The following BCAS4 variants were observed in gnomAD, a reference collection of about 807,000 sequenced individuals.
BCAS4 encodes the protein breast carcinoma amplified sequence 4.
In BCAS4, 9 loss-of-function variants were observed where a neutral mutation model predicts 15.7. The ratio of observed to expected loss-of-function variants is 0.57; its 90% confidence interval spans 0.34 to 1.00. The LOEUF (loss-of-function observed/expected upper bound fraction) is 1.00, where lower values mean the gene tolerates loss of function less well. Ranked by LOEUF, BCAS4 falls within the 50% of genes least tolerant of loss-of-function variation. The probability of loss-of-function intolerance (pLI) is 0.02; values close to 1 mark genes in which losing one functional copy is unlikely to be tolerated. For missense variants in BCAS4, 225 were observed against 239.1 expected, an observed-to-expected ratio of 0.94 and a Z score of 0.39; for synonymous variants, 101 against 99.5, an observed-to-expected ratio of 1.02 and a Z score of -0.09.
intron 1 of BCAS4, among the ~76,000 whole-genome samples, chr20:50,799,193 C>G (rs747235620): frequency 1.3e-5 from 2 of 152,178 alleles, no homozygotes; most frequent in Non-Finnish European, 2.9e-5. Flanking sequence ...TTCATTTTGT[C>G]TCTATTAGGA....
intron 4 of BCAS4, among the ~76,000 whole-genome samples, chr20:50,853,139 A>ATTTTTTTTTTT (rs35651267): frequency 9.4e-6 from 1 of 106,906 alleles, no homozygotes; most frequent in Non-Finnish European, 1.9e-5. Flanking sequence ...ATCCCCTTTC[A>ATTTTTTTTTTT]TTTTTTTTTT....
intron 3 of BCAS4, among the ~76,000 whole-genome samples, chr20:50,837,651 G>A (rs752355984): frequency 8.5e-5 from 13 of 152,202 alleles, no homozygotes; most frequent in Non-Finnish European, 1.2e-4. Context: ...GTGGGTGGAC[G>A]TGTGCGTCTC....
chr20:50,879,151 GCTGGGA>G (rs1297548852), downstream of BCAS4: 2 of 152,226 alleles, frequency 1.3e-5, no homozygotes, highest in African/African-American at 4.8e-5. Context: ...TGTTGTATTG[GCTGGGA>G]CTGTTTTTAT....
At chr20:50,848,865 T>G (rs6020792) in intron 4 of BCAS4, among the ~76,000 whole-genome samples, 54,182 of 151,942 alleles carry the variant, frequency 0.36, 12,966 homozygotes, top group African/African-American at 0.69. Flanking sequence ...AAGAAAAGAG[T>G]CTCCAGAAAG....
intron 4 of BCAS4, among the ~76,000 whole-genome samples, chr20:50,860,534 G>C (rs1314875405): frequency 6.6e-6 from 1 of 152,204 alleles, no homozygotes; most frequent in East Asian, 1.9e-4. Flanking sequence ...GGGATTGGCT[G>C]TTTTCACTCA....
intron 1 of BCAS4, among the ~76,000 whole-genome samples, chr20:50,816,966 G>A (rs939381543): frequency 2.0e-5 from 3 of 151,744 alleles, no homozygotes; most frequent in East Asian, 1.9e-4. Flanking sequence ...CACCACACCC[G>A]GCTAATTTTT....
In BCAS4 at chr20:50,795,105, C is replaced by T; in HGVS notation, c.22C>T (p.Gln8Ter). MLLVDAD[Q>*]PEPMRSGARE... ...CCTGATGCTGCTCGTGGACGCTGAT[C>T]AGCCGGAGCCCATGCGCAGCGGGGC... is the stretch of plus-strand genomic sequence containing the variant. Residue 8 changes from glutamine (Q) to a stop codon, truncating the protein, a stop_gained, in exon 1 of 5, where the codon CAG (glutamine) becomes TAG (stop). Coordinates refer to ENST00000371608, the MANE Select transcript of BCAS4 (RefSeq NM_198799.4). LOFTEE classifies it high-confidence loss of function. 6.7e-7 allele frequency: 1 copy of T among 1,497,290 alleles called. No homozygotes were observed. The highest frequency in any genetic ancestry group is 8.9e-7 in the Non-Finnish European group (1 of 1,123,034). 92.8% of individuals were successfully genotyped at this position (1,497,290 alleles called of 1,614,324 possible).
At chr20:50,798,842 T>C (rs2087895852) in intron 1 of BCAS4, among the ~76,000 whole-genome samples, 1 of 152,224 alleles carries the variant, frequency 6.6e-6, no homozygotes, top group South Asian at 2.1e-4. Flanking sequence ...GCTTATGTCA[T>C]TGTGTCACGG....
chr20:50,874,354 TCTC>T (rs1188087429), intron 4 of BCAS4, among the ~76,000 whole-genome samples: 2 of 152,100 alleles, frequency 1.3e-5, no homozygotes, highest in Non-Finnish European at 2.9e-5. Flanking sequence ...ATACCCCTGT[TCTC>T]CTGACTCCTG....
rs560394923 is a variant in BCAS4 at position 50,849,024 on chromosome 20, C to T, written c.399+7124C>T. Among the ~76,000 whole-genome samples the T allele has an allele frequency of 5.3e-5, 8 of 152,356 alleles. No individual in the cohort carries two copies. In the South Asian group the frequency reaches 1.0e-3, roughly 20 times the overall value. ...AGTGTGAAATGGGGCTGGAGCCCTG[C>T]GGGCTGCGGACCTCGGAAGTGCACA... On this transcript the variant is annotated intron_variant, in intron 4 of 4. Transcript: ENST00000371608.
At chr20:50,841,155 A>G (rs1220286077) in intron 3 of BCAS4, among the ~76,000 whole-genome samples, 1 of 152,122 alleles carries the variant, frequency 6.6e-6, no homozygotes, top group Non-Finnish European at 1.5e-5. Flanking sequence ...GCAGCTCTGC[A>G]CTTGAGGCCT....
At chr20:50,835,642 A>T (rs1000045568) in intron 3 of BCAS4, among the ~76,000 whole-genome samples, 1 of 151,998 alleles carries the variant, frequency 6.6e-6, no homozygotes, top group Admixed American at 6.6e-5. Flanking sequence ...AGCTCTCCCC[A>T]TTCCTTTCTG....
At position 50,876,593 on chromosome 20, in the gene BCAS4, C is replaced by T; in HGVS notation, c.507C>T (p.Cys169=). The change falls in exon 5 of 5, where the codon TGC becomes TGT. Residue 169 remains cysteine, a synonymous_variant. Coordinates refer to ENST00000371608, the MANE Select transcript of BCAS4 (RefSeq NM_198799.4). ...AGEAQHHPRT[C]PRPL is the part of the protein sequence containing the mutation. ...AAGCACAGCACCACCCCCGCACCTG[C>T]CCTCGGCCTTTGTGAGCTTTGTGGT... 6.2e-7 allele frequency: 1 copy of T among 1,614,086 alleles called. No individual in the cohort carries two copies. Among genetic ancestry groups the T allele is most frequent in the Middle Eastern group, 1.6e-4 (1 of 6,062 alleles).
At chr20:50,860,750 C>T (rs1209232538) in intron 4 of BCAS4, among the ~76,000 whole-genome samples, 1 of 152,136 alleles carries the variant, frequency 6.6e-6, no homozygotes. Flanking sequence ...AAGGCACACA[C>T]CTGCAATCCC....
chr20:50,795,108 C>T lies in BCAS4; in HGVS notation c.25C>T (p.Pro9Ser). 6.7e-7 allele frequency: 1 copy of T among 1,496,892 alleles called. No homozygotes were observed. Among genetic ancestry groups the T allele is most frequent in the South Asian group, 1.3e-5 (1 of 79,540 alleles). The allele number at this position is 1,496,892 out of a possible 1,614,324, so 92.7% of individuals were successfully genotyped here. Residue 9 changes from proline to serine, a missense_variant, in exon 1 of 5, where the codon CCG becomes TCG. Coordinates refer to ENST00000371608, the MANE Select transcript of BCAS4 (RefSeq NM_198799.4). MLLVDADQ[P>S]EPMRSGAREL... ...GATGCTGCTCGTGGACGCTGATCAG[C>T]CGGAGCCCATGCGCAGCGGGGCGCG... is the stretch of plus-strand genomic sequence containing the variant.
intron 3 of BCAS4, 121 bp downstream of exon 3, chr20:50,830,501 G>A: frequency 1.3e-6 from 1 of 743,922 alleles, no homozygotes; most frequent in Non-Finnish European, 2.2e-6. Flanking sequence ...GGGGGTTGGT[G>A]GTGGGAGTTG....
At chr20:50,823,143 C>A (rs940117295) in intron 2 of BCAS4, among the ~76,000 whole-genome samples, 1 of 151,656 alleles carries the variant, frequency 6.6e-6, no homozygotes, top group Non-Finnish European at 1.5e-5. Flanking sequence ...AGTTTGAGAC[C>A]AGCCTGGCCA....
intron 1 of BCAS4, 35 bp from the exon 2 acceptor site, chr20:50,818,176 A>G: frequency 6.2e-7 from 1 of 1,601,348 alleles, no homozygotes; most frequent in Non-Finnish European, 8.5e-7. Flanking sequence ...CCTGGAAACC[A>G]CTTGCTAATC....
chr20:50,856,480 G>GA (rs1440283616), intron 4 of BCAS4, among the ~76,000 whole-genome samples: 2 of 152,230 alleles, frequency 1.3e-5, no homozygotes, highest in African/African-American at 4.8e-5. Context: ...AATGGAGTGA[G>GA]AAGCTGGAGC....
Sources: gnomAD v4.1 joint callset for allele counts (sites outside exome capture counted in the v4.1 genomes callset) on GRCh38, gnomAD v4.1.1 for gene constraint, MANE v1.5 for transcripts, NCBI Gene and HGNC (gene_info 2026-07-23, HGNC 2026-07-21) for gene names.